GALNT2: variants seen among roughly 807,000 people sequenced by gnomAD.
GALNT2 encodes the protein UDP-GalNAc:polypeptide N-acetylgalactosaminyltransferase 2.
In GALNT2, 31 loss-of-function variants were observed where a neutral mutation model predicts 81.4. That is an observed-to-expected ratio of 0.38 (90% CI 0.29 to 0.51). The LOEUF (loss-of-function observed/expected upper bound fraction) is 0.51, where lower values mean the gene tolerates loss of function less well. Among genes scored for constraint, GALNT2 ranks in the 20% least tolerant of loss-of-function variants. The probability of loss-of-function intolerance (pLI) is 0.87; values close to 1 mark genes in which losing one functional copy is unlikely to be tolerated. For missense variants in GALNT2, 629 were observed against 765.7 expected, an observed-to-expected ratio of 0.82 and a Z score of 2.11; for synonymous variants, 303 against 287.4, an observed-to-expected ratio of 1.05 and a Z score of -0.55.
intron 3 of GALNT2, among the ~76,000 whole-genome samples, chr1:230,225,708 A>G (rs1223417305): frequency 1.4e-5 from 2 of 147,678 alleles, no homozygotes; most frequent in African/African-American, 5.1e-5. Context: ...CCTCTGTGCT[A>G]TATGGTCCAT....
chr1:230,279,495 C>T lies in GALNT2; in HGVS notation c.*37C>T, dbSNP rs1666379656. On this transcript the variant is annotated 3_prime_UTR_variant, in exon 16 of 16. Coordinates refer to ENST00000366672, the MANE Select transcript of GALNT2 (RefSeq NM_004481.5). The surrounding 1 kb of genome is among the most constrained non-coding windows in gnomAD (Gnocchi z 4.6). ...AGGCCCTGCCGTCCTGTCTCCTGCA[C>T]CATTGGGTGGAGTCTGGTGATCACA... 3 of 1,600,110 alleles carry T rather than the reference C, an allele frequency of 1.9e-6. No homozygotes were observed. The highest frequency in any genetic ancestry group is 2.6e-6 in the Non-Finnish European group (3 of 1,171,526).
intron 2 of GALNT2, among the ~76,000 whole-genome samples, chr1:230,181,815 T>C (rs916601369): frequency 1.3e-5 from 2 of 152,242 alleles, no homozygotes; most frequent in African/African-American, 2.4e-5. Context: ...AGAATTGGTA[T>C]AATTTCTTTC....
intron 1 of GALNT2, among the ~76,000 whole-genome samples, chr1:230,173,193 C>T (rs1392695218): frequency 6.6e-6 from 1 of 152,156 alleles, no homozygotes; most frequent in Non-Finnish European, 1.5e-5. Context: ...ACAAAGGGAG[C>T]GAAGACCACA....
rs139313854 is a variant in GALNT2, at chr1:230,277,108, G to C, written c.1561-2195G>C. Among the ~76,000 whole-genome samples, 5 of 152,330 alleles carry C rather than the reference G, an allele frequency of 3.3e-5. No homozygotes were observed. In the East Asian group the frequency reaches 9.6e-4, roughly 29 times the overall value. On this transcript the variant is annotated intron_variant, in intron 15 of 15. Coordinates refer to ENST00000366672, the MANE Select transcript of GALNT2 (RefSeq NM_004481.5). ...TGACACGGCTTAGGACCTTTGTGAA[G>C]CATGAAAAGACCTATAAATAATAAG...
At chr1:230,206,926 A>G (rs1664073047) in intron 3 of GALNT2, among the ~76,000 whole-genome samples, 1 of 152,038 alleles carries the variant, frequency 6.6e-6, no homozygotes, top group Non-Finnish European at 1.5e-5. Context: ...GAGCCACCTC[A>G]GTGAGGTATC....
intron 1 of GALNT2, among the ~76,000 whole-genome samples, chr1:230,096,520 C>T (rs1364035349): frequency 6.6e-6 from 1 of 152,096 alleles, no homozygotes; most frequent in Non-Finnish European, 1.5e-5. Context: ...TCTTTCTGTC[C>T]CACCAGGATT....
chr1:230,249,039 C>G, intron 8 of GALNT2, 145 bp from the exon 9 acceptor site: 2 of 753,048 alleles, frequency 2.7e-6, no homozygotes, highest in South Asian at 3.6e-5. Context: ...CCTTCTCTCT[C>G]CTCCACACCT....
At chr1:230,207,547 GAT>G (rs1664100542) in intron 3 of GALNT2, among the ~76,000 whole-genome samples, 1 of 152,090 alleles carries the variant, frequency 6.6e-6, no homozygotes, top group Non-Finnish European at 1.5e-5. Flanking sequence ...CTATGTATAA[GAT>G]ATATTAGGTC....
intron 3 of GALNT2, among the ~76,000 whole-genome samples, chr1:230,235,222 A>G (rs1167710019): frequency 6.6e-6 from 1 of 151,512 alleles, no homozygotes; most frequent in Non-Finnish European, 1.5e-5. Flanking sequence ...TCAAAAAAAA[A>G]AAAAAAAAAA....
At chr1:230,246,548 C>T (rs913841177) in intron 8 of GALNT2, among the ~76,000 whole-genome samples, 15 of 152,198 alleles carry the variant, frequency 9.9e-5, no homozygotes, top group Non-Finnish European at 2.1e-4. Context: ...TCTGCTCACC[C>T]TGGCTATTTC....
chr1:230,115,855 C>T (rs1204128631), intron 1 of GALNT2, among the ~76,000 whole-genome samples: 1 of 152,224 alleles, frequency 6.6e-6, no homozygotes. Flanking sequence ...TTGACATGCT[C>T]ACAGCATGTT....
At chr1:230,082,040 C>A (rs12741077) in intron 1 of GALNT2, among the ~76,000 whole-genome samples, 1,599 of 152,318 alleles carry the variant, frequency 0.01, 17 homozygotes, top group Non-Finnish European at 0.018. Context: ...TGACCCAGGA[C>A]GGGTCTTGCT....
rs191851585 is a variant in GALNT2 at position 230,141,223 on chromosome 1, C to A, written c.127-36995C>A. Among the ~76,000 whole-genome samples the A allele has an allele frequency of 9.2e-5, 14 of 152,298 alleles. No homozygotes were observed. In the East Asian group the frequency reaches 2.7e-3, roughly 29 times the overall value. ...TAATATTACAGCTGAAAGGAGAGATCCTGCCCATCTTAACACTGCGCAGAA... is the reference window on the plus strand; with the variant it reads ...TAATATTACAGCTGAAAGGAGAGATACTGCCCATCTTAACACTGCGCAGAA... On this transcript the variant is annotated intron_variant, in intron 1 of 15. Transcript: ENST00000366672.
At chr1:230,256,174 C>T (rs6697649) in intron 11 of GALNT2, among the ~76,000 whole-genome samples, 2,285 of 152,236 alleles carry the variant, frequency 0.015, 65 homozygotes, top group African/African-American at 0.052. Context: ...CATGGTGGCT[C>T]ATGTCTGTAA....
At chr1:230,267,652 C>T (rs1359785067) in intron 14 of GALNT2, among the ~76,000 whole-genome samples, 2 of 152,216 alleles carry the variant, frequency 1.3e-5, no homozygotes, top group African/African-American at 2.4e-5. Context: ...GTCACAGGCC[C>T]CACCCGTGTC....
chr1:230,254,325 G>C (rs1665640629), intron 10 of GALNT2, among the ~76,000 whole-genome samples: 1 of 151,582 alleles, frequency 6.6e-6, no homozygotes, highest in South Asian at 2.1e-4. Flanking sequence ...GTAGGTGTGG[G>C]TAGTGCCTAG....
rs1350067791 is a variant in GALNT2, at chr1:230,282,089, G to A, written c.*2631G>A. 1.4e-5 allele frequency: 2 copies of A among 138,748 alleles called. No homozygotes were observed. The highest frequency in any genetic ancestry group is 1.5e-4 in the Admixed American group (2 of 13,626). The allele number at this position is 138,748 out of a possible 1,614,324, so 8.6% of individuals were successfully genotyped here. A position where few individuals can be genotyped will look rare whatever the true frequency, so the allele number is the denominator to read the frequency against. On this transcript the variant is annotated 3_prime_UTR_variant, in exon 16 of 16. Coordinates refer to ENST00000366672, the MANE Select transcript of GALNT2 (RefSeq NM_004481.5). ...TAGATGGAAACCATCCTTGAAAATTGTTTAACTTAAATAAAGAGAAGATAC... is the reference window on the plus strand; with the variant it reads ...TAGATGGAAACCATCCTTGAAAATTATTTAACTTAAATAAAGAGAAGATAC...
At chr1:230,136,875 C>T (rs1661565610) in intron 1 of GALNT2, among the ~76,000 whole-genome samples, 1 of 152,206 alleles carries the variant, frequency 6.6e-6, no homozygotes, top group Admixed American at 6.5e-5. Context: ...GAAGAGCCGG[C>T]CGTCTGTGCA....
upstream of GALNT2, among the ~76,000 whole-genome samples, chr1:230,066,140 G>T (rs1408587587): frequency 1.3e-5 from 2 of 152,174 alleles, no homozygotes; most frequent in African/African-American, 2.4e-5. Context: ...GTTTCGTTGA[G>T]GATATGGGTA....
Sources: allele counts gnomAD v4.1 joint callset (sites outside exome capture counted in the v4.1 genomes callset), GRCh38; gene constraint gnomAD v4.1.1; non-coding constraint Gnocchi (gnomAD v3.1); transcripts MANE v1.5; gene names NCBI Gene and HGNC (gene_info 2026-07-23, HGNC 2026-07-21).